Variants in NIPBL observed in about 807,000 individuals in gnomAD.
The protein encoded by NIPBL is NIPBL cohesin loading factor.
A neutral mutation model predicts 321.8 loss-of-function variants in NIPBL; 19 were observed. That is an observed-to-expected ratio of 0.06 (90% confidence interval 0.04 to 0.09). The LOEUF (loss-of-function observed/expected upper bound fraction) is 0.09, where lower values mean the gene tolerates loss of function less well. NIPBL is among the 10% of genes least tolerant of loss of function. NIPBL has a pLI of 1.00. For synonymous variants in NIPBL, 1,106 were observed against 1,114.1 expected (o/e 0.99, Z 0.14); for missense variants, 2,210 against 3,327.0 (o/e 0.66, Z 8.26).
At chr5:37,053,979 C>A (rs1443721665) in intron 42 of NIPBL, among the ~76,000 whole-genome samples, 2 of 152,092 alleles carry the variant, frequency 1.3e-5, no homozygotes, top group Admixed American at 6.5e-5. Flanking sequence ...AGGTGGATCA[C>A]AAGGTCAGGA....
chr5:36,987,052 T>A (rs1744899478), intron 10 of NIPBL, among the ~76,000 whole-genome samples: 1 of 152,166 alleles, frequency 6.6e-6, no homozygotes, highest in African/African-American at 2.4e-5. Flanking sequence ...TAACTTTTTT[T>A]ATTTTTAAAT....
chr5:36,997,488 C>G (rs1746264233), intron 11 of NIPBL, among the ~76,000 whole-genome samples: 1 of 152,152 alleles, frequency 6.6e-6, no homozygotes, highest in South Asian at 2.1e-4. Flanking sequence ...TGCTTTCTAT[C>G]ATGAAAGCTA....
intron 1 of NIPBL, among the ~76,000 whole-genome samples, chr5:36,935,527 T>G (rs1054160826): frequency 6.6e-6 from 1 of 152,154 alleles, no homozygotes; most frequent in African/African-American, 2.4e-5. Flanking sequence ...TTCGTTGTGC[T>G]TCTAAGGTAC....
chr5:36,985,117 C>A lies in NIPBL; in HGVS notation c.1937C>A (p.Thr646Asn), dbSNP rs778508612. Residue 646 changes from threonine (T) to asparagine (N), a missense_variant, in exon 10 of 47, where the codon ACC becomes AAC. Physicochemically the swap from Thr to Asn is moderately conservative, Grantham distance 65. Around this residue, in one of 14 missense-constraint regions of NIPBL, gnomAD observed 588 missense variants for 564.1 expected, o/e 1.04. Transcript: ENST00000282516. ...AATAAGTTAGAAACTAAAGTTGAGA[C>A]CCAAACAGAAGAACTTAAACAGAAT... The part of the protein sequence containing the change: ...SENKLETKVE[T>N]QTEELKQNES... 10 of 1,613,596 alleles carry A rather than the reference C, an allele frequency of 6.2e-6. No individual in the cohort carries two copies. In the African/African-American group the frequency reaches 8.0e-5, roughly 13 times the overall value.
At chr5:36,885,250 C>A in intron 1 of NIPBL, 2 of 529,472 alleles carry the variant, frequency 3.8e-6, no homozygotes, top group South Asian at 2.8e-5. Flanking sequence ...ACTACTGGTT[C>A]CTGGGCTCTG....
intron 11 of NIPBL, among the ~76,000 whole-genome samples, chr5:36,998,396 T>A (rs2149666075): frequency 6.6e-6 from 1 of 152,304 alleles, no homozygotes; most frequent in African/African-American, 2.4e-5. Context: ...ATATTCTATG[T>A]AATTACAAAC....
chr5:37,065,812 ATAGTT>A lies in NIPBL; in HGVS notation c.*923_*927del, dbSNP rs1002891885. The A allele has an allele frequency of 7.9e-5, 12 of 152,620 alleles. No homozygotes were observed. Among genetic ancestry groups the A allele is most frequent in the African/African-American group, 2.9e-4 (12 of 41,444 alleles). The allele number at this position is 152,620 out of a possible 1,614,324, so 9.5% of individuals were successfully genotyped here. ...GTACATTTTGATATAAAAAGAAACT[ATAGTT>A]TATTCCTTGTATGCTTCAATTTCTT... On this transcript the variant is annotated 3_prime_UTR_variant, in exon 47 of 47. Transcript: ENST00000282516.
chr5:36,895,117 C>T (rs1746635702), intron 1 of NIPBL, among the ~76,000 whole-genome samples: 1 of 152,104 alleles, frequency 6.6e-6, no homozygotes, highest in South Asian at 2.1e-4. Context: ...TTTTCATCAC[C>T]CCCCAAAAAA....
Position 37,047,255 on chromosome 5 carries a change from A to G in NIPBL, c.6589+1056A>G, listed in dbSNP as rs375684984. Among the ~76,000 whole-genome samples, 5 of 152,184 alleles carry G rather than the reference A, an allele frequency of 3.3e-5. No individual in the cohort carries two copies. In the East Asian group the frequency reaches 9.6e-4, roughly 29 times the overall value. The stretch of plus-strand genomic sequence containing the variant: ...ATGACTGTACACGTAAAGCTACCCA[A>G]TGAGATTAAAAACTTATTTGGAAAT... On this transcript the variant is annotated intron_variant, in intron 38 of 46. Transcript: ENST00000282516.
chr5:37,003,839 A>G (rs1436825014), intron 16 of NIPBL, among the ~76,000 whole-genome samples: 1 of 152,224 alleles, frequency 6.6e-6, no homozygotes, highest in Non-Finnish European at 1.5e-5. Context: ...TTTGCCATAA[A>G]GTAAGAATAA....
intron 1 of NIPBL, among the ~76,000 whole-genome samples, chr5:36,910,614 G>T (rs930481827): frequency 5.3e-5 from 8 of 152,178 alleles, no homozygotes; most frequent in Non-Finnish European, 1.2e-4. Flanking sequence ...CAGCCGTGGA[G>T]AGTATACCTC....
intron 8 of NIPBL, among the ~76,000 whole-genome samples, chr5:36,972,244 A>C (rs1429476621): frequency 6.6e-6 from 1 of 152,108 alleles, no homozygotes; most frequent in African/African-American, 2.4e-5. Flanking sequence ...CCACTTACCC[A>C]GTAATCTGTT....
At chr5:37,006,109 A>C (rs1201442042) in intron 16 of NIPBL, among the ~76,000 whole-genome samples, 1 of 152,146 alleles carries the variant, frequency 6.6e-6, no homozygotes, top group Admixed American at 6.5e-5. Flanking sequence ...TATAAAGATA[A>C]TTATAACTTT....
At chr5:37,050,476 T>C (rs1753416665) in intron 40 of NIPBL, among the ~76,000 whole-genome samples, 2 of 129,554 alleles carry the variant, frequency 1.5e-5, no homozygotes, top group Non-Finnish European at 1.6e-5. Context: ...GGAGACTCCA[T>C]CTCAAAAAAA....
intron 14 of NIPBL, 39 bp from the exon 15 acceptor site, chr5:37,002,623 C>A (rs1746952961): frequency 7.6e-7 from 1 of 1,321,540 alleles, no homozygotes; most frequent in Non-Finnish European, 1.1e-6. Context: ...ATTTTATTTA[C>A]CTAAACTTTG....
chr5:37,060,308 G>GCCA (rs1187271410), intron 44 of NIPBL, among the ~76,000 whole-genome samples: 2 of 152,140 alleles, frequency 1.3e-5, no homozygotes, highest in Non-Finnish European at 1.5e-5. Flanking sequence ...ACAGATGCAT[G>GCCA]CCACCACACC....
chr5:37,045,381 A>C (rs1579560440), intron 36 of NIPBL, 62 bp from the exon 37 acceptor site: 1 of 1,308,132 alleles, frequency 7.6e-7, no homozygotes, highest in East Asian at 2.5e-5. Flanking sequence ...ATTAGTAGTA[A>C]TTACTTGAAC....
At chr5:36,911,275 G>A (rs1748029134) in intron 1 of NIPBL, among the ~76,000 whole-genome samples, 2 of 152,206 alleles carry the variant, frequency 1.3e-5, no homozygotes, top group South Asian at 2.1e-4. Context: ...GTTTTAATGA[G>A]TCATTATTAC....
intron 6 of NIPBL, among the ~76,000 whole-genome samples, chr5:36,968,884 G>A (rs1450132302): frequency 2.6e-5 from 4 of 152,116 alleles, no homozygotes; most frequent in Admixed American, 6.5e-5. Flanking sequence ...AGAAAAAAGT[G>A]TCATTTTCAG....
Sources: allele counts gnomAD v4.1 joint callset (sites outside exome capture counted in the v4.1 genomes callset), GRCh38; gene constraint gnomAD v4.1.1; regional missense constraint gnomAD v4.1.1; transcripts MANE v1.5; gene names NCBI Gene and HGNC (gene_info 2026-07-23, HGNC 2026-07-21).